The following FBXL13 variants were observed in gnomAD, a reference collection of about 807,000 sequenced individuals.
FBXL13 encodes F-box and leucine rich repeat protein 13.
In FBXL13, 67 loss-of-function variants were observed where a neutral mutation model predicts 83.6. The observed-to-expected ratio is 0.80, with a 90% CI of 0.66 to 0.98. The LOEUF (loss-of-function observed/expected upper bound fraction) is 0.98. Ranked by LOEUF, FBXL13 falls within the 50% of genes least tolerant of loss-of-function variation. The pLI, the probability that FBXL13 is intolerant of heterozygous loss-of-function variation, is 0.00. For synonymous variants in FBXL13, 272 were observed against 299.5 expected, an observed-to-expected ratio of 0.91 and a Z score of 0.95; for missense variants, 822 against 866.5, an observed-to-expected ratio of 0.95 and a Z score of 0.64.
chr7:102,898,500 C>G (rs1386704557), intron 11 of FBXL13, among the ~76,000 whole-genome samples: 1 of 152,116 alleles, frequency 6.6e-6, no homozygotes, highest in African/African-American at 2.4e-5. Flanking sequence ...CCCTATGTTG[C>G]TCAGGCTGGT....
chr7:103,071,994 C>A (rs1799006435), intron 1 of FBXL13, among the ~76,000 whole-genome samples: 1 of 151,746 alleles, frequency 6.6e-6, no homozygotes, highest in Admixed American at 6.6e-5. Flanking sequence ...ACCGGCCTGA[C>A]CAACATGGTG....
At chr7:102,883,365 C>A in exon 14 of FBXL13, 1 of 1,613,714 alleles carries the variant, frequency 6.2e-7, no homozygotes, top group South Asian at 1.1e-5. Context: ...GGATCTGAGG[C>A]TGCTGTCTGT....
intron 11 of FBXL13, among the ~76,000 whole-genome samples, chr7:102,903,757 C>T (rs1049386305): frequency 6.6e-6 from 1 of 151,838 alleles, no homozygotes; most frequent in Admixed American, 6.6e-5. Flanking sequence ...TCTGTTGATG[C>T]TATGTGTCAC....
intron 6 of FBXL13, among the ~76,000 whole-genome samples, chr7:103,006,210 G>C (rs1373845439): frequency 6.6e-6 from 1 of 152,168 alleles, no homozygotes; most frequent in Non-Finnish European, 1.5e-5. Context: ...AGTTTGTTGA[G>C]GCTGCTGGAA....
intron 16 of FBXL13, among the ~76,000 whole-genome samples, chr7:102,856,670 C>T (rs1389977784): frequency 1.3e-5 from 2 of 152,082 alleles, no homozygotes; most frequent in African/African-American, 4.8e-5. Flanking sequence ...CATTATTAGC[C>T]ATTAGATAAA....
chr7:102,986,590 T>C (rs1828983024), intron 6 of FBXL13, among the ~76,000 whole-genome samples: 1 of 152,112 alleles, frequency 6.6e-6, no homozygotes, highest in Non-Finnish European at 1.5e-5. Flanking sequence ...GTTCTCTTCA[T>C]GGGTGCTTGG....
intron 8 of FBXL13, among the ~76,000 whole-genome samples, chr7:102,948,743 G>A (rs1039071104): frequency 2.7e-5 from 4 of 148,694 alleles, no homozygotes; most frequent in South Asian, 2.1e-4. Flanking sequence ...ACACAGTCTC[G>A]CTCTGTCACC....
chr7:102,905,343 CTTCT>C (rs1297386322), intron 11 of FBXL13, among the ~76,000 whole-genome samples: 2 of 152,152 alleles, frequency 1.3e-5, no homozygotes, highest in African/African-American at 4.8e-5. Flanking sequence ...GCTGAATTGG[CTTCT>C]TTATCATTAC....
At chr7:102,936,314 A>C (rs1563118209) in intron 8 of FBXL13, 1 of 152,194 alleles carries the variant, frequency 6.6e-6, no homozygotes, top group Non-Finnish European at 1.5e-5. Flanking sequence ...TTGACCATGG[A>C]TCTCACAGGT....
chr7:103,066,017 G>C (rs1798358290), intron 1 of FBXL13, among the ~76,000 whole-genome samples: 1 of 152,206 alleles, frequency 6.6e-6, no homozygotes, highest in African/African-American at 2.4e-5. Flanking sequence ...TCTCCCTCCA[G>C]GGTCCCTCCA....
At chr7:102,966,937 G>A (rs561322151) in intron 7 of FBXL13, among the ~76,000 whole-genome samples, 1 of 151,828 alleles carries the variant, frequency 6.6e-6, no homozygotes, top group African/African-American at 2.4e-5. Flanking sequence ...CATCACCCAG[G>A]TACACTAAGG....
chr7:102,996,096 A>T lies in FBXL13; in HGVS notation c.496-27979T>A, dbSNP rs879308869. The stretch of plus-strand genomic sequence containing the variant: ...GTCATATTGCTAGTAAACAGTTGAG[A>T]CTGGATTTAAACCCAGTTCTCCCTG... On this transcript the variant is annotated intron_variant, in intron 6 of 19. Coordinates refer to ENST00000313221, the Ensembl canonical transcript of FBXL13. Among the ~76,000 whole-genome samples, 21 of 152,316 alleles carry T rather than the reference A, an allele frequency of 1.4e-4. 1 individual carries two copies. The highest frequency in any genetic ancestry group is 2.1e-4 in the South Asian group (1 of 4,826).
At chr7:102,859,889 C>A (rs987558414) in intron 16 of FBXL13, among the ~76,000 whole-genome samples, 7 of 152,128 alleles carry the variant, frequency 4.6e-5, no homozygotes, top group Non-Finnish European at 8.8e-5. Flanking sequence ...CTGGGGAAGT[C>A]ACCAGCATTG....
At chr7:103,058,497 A>G (rs1797552457) in intron 1 of FBXL13, among the ~76,000 whole-genome samples, 1 of 152,206 alleles carries the variant, frequency 6.6e-6, no homozygotes, top group South Asian at 2.1e-4. Flanking sequence ...GACTTCCCAC[A>G]GCTCCCTCAA....
chr7:103,055,182 T>G lies in FBXL13; in HGVS notation c.-1+462A>C. ...TGATGGAGTAATGCACATATCCCTT[T>G]AATAACATCATAAAATACAGTCAAA... On this transcript the variant is annotated intron_variant, in intron 2 of 19. Transcript: ENST00000313221. 7.9e-7 allele frequency: 1 copy of G among 1,267,884 alleles called. No homozygotes were observed. The highest frequency in any genetic ancestry group is 1.0e-6 in the Non-Finnish European group (1 of 974,458). 78.5% of individuals were successfully genotyped at this position (1,267,884 alleles called of 1,614,324 possible). A position where few individuals can be genotyped will look rare whatever the true frequency, so the allele number is the denominator to read the frequency against.
chr7:102,983,586 A>G (rs1241195557), intron 6 of FBXL13, among the ~76,000 whole-genome samples: 2 of 151,700 alleles, frequency 1.3e-5, no homozygotes, highest in Non-Finnish European at 2.9e-5. Flanking sequence ...TGCCCAGTTA[A>G]TTTTTGTATT....
intron 9 of FBXL13, among the ~76,000 whole-genome samples, chr7:102,930,515 T>C (rs1324311815): frequency 6.6e-6 from 1 of 152,238 alleles, no homozygotes; most frequent in Non-Finnish European, 1.5e-5. Flanking sequence ...TCTGCTCCAA[T>C]ATCCCACTGA....
chr7:102,963,744 T>A (rs1256437859), intron 7 of FBXL13, 79 bp from the exon 9 acceptor site: 1 of 1,384,744 alleles, frequency 7.2e-7, no homozygotes, highest in East Asian at 2.3e-5. Flanking sequence ...AATAGACAAA[T>A]GTGACCTAAT....
At chr7:102,813,246 A>C in exon 20 of FBXL13, 1 of 1,117,718 alleles carries the variant, frequency 8.9e-7, no homozygotes, top group East Asian at 2.4e-5. Context: ...GCTTGTTTAC[A>C]TTGTTATTGA....
Sources: allele counts gnomAD v4.1 joint callset (sites outside exome capture counted in the v4.1 genomes callset), GRCh38; gene constraint gnomAD v4.1.1; transcripts MANE v1.5; gene names NCBI Gene and HGNC (gene_info 2026-07-23, HGNC 2026-07-21).